KLRD1: variants seen among roughly 807,000 people sequenced by gnomAD.
The protein encoded by KLRD1 is killer cell lectin like receptor D1.
In KLRD1, 21 loss-of-function variants were observed where a neutral mutation model predicts 22.6. The ratio of observed to expected loss-of-function variants is 0.93; its 90% CI spans 0.66 to 1.34. KLRD1 has a LOEUF of 1.34. KLRD1 is among the 40% of genes most tolerant of loss of function. The pLI is 0.00. For missense variants in KLRD1, 183 were observed against 208.6 expected (o/e 0.88, Z 0.76); for synonymous variants, 59 against 71.1 (o/e 0.83, Z 0.85).
At chr12:10,294,592 G>A (rs1438848747) in intron 1 of KLRD1, among the ~76,000 whole-genome samples, 1 of 138,680 alleles carries the variant, frequency 7.2e-6, no homozygotes, top group Non-Finnish European at 1.6e-5. Context: ...TAGAGACAGG[G>A]TTTCACCACA....
intron 1 of KLRD1, among the ~76,000 whole-genome samples, chr12:10,299,165 T>C (rs956875620): frequency 5.9e-5 from 9 of 152,272 alleles, no homozygotes; most frequent in African/African-American, 2.2e-4. Context: ...CATGTTACCA[T>C]TAGGGTTCCA....
chr12:10,248,943 A>G (rs2137617175), intron 1 of KLRD1, among the ~76,000 whole-genome samples: 1 of 152,110 alleles, frequency 6.6e-6, no homozygotes, highest in East Asian at 1.9e-4. Flanking sequence ...GTTTTCTTTG[A>G]ATCATATGCT....
chr12:10,310,584 G>C (rs1159835854), intron 3 of KLRD1, among the ~76,000 whole-genome samples: 1 of 152,096 alleles, frequency 6.6e-6, no homozygotes, highest in African/African-American at 2.4e-5. Flanking sequence ...CATATTACTT[G>C]AGGTCAGAAG....
At chr12:10,247,036 G>T (rs972569202) in intron 1 of KLRD1, among the ~76,000 whole-genome samples, 2 of 149,454 alleles carry the variant, frequency 1.3e-5, no homozygotes, top group African/African-American at 4.9e-5. Context: ...GGGTTCAAGT[G>T]ATTCTCCTGC....
chr12:10,277,393 A>G (rs1251125581), intron 1 of KLRD1, among the ~76,000 whole-genome samples: 1 of 152,090 alleles, frequency 6.6e-6, no homozygotes, highest in Non-Finnish European at 1.5e-5. Flanking sequence ...TATAGGGGAG[A>G]ACTTAGTCCC....
Position 10,322,632 on chromosome 12 carries a change from TTTCTCATTTACACTAAATA to T in KLRD1, c.*7840_*7858del, listed in dbSNP as rs1950321911. ...CGTCATGAAATTTTTCTTCACTAAT[TTTCTCATTTACACTAAATA>T]CTTCATTGATTACAGTTTACCTCTT... On this transcript the variant is annotated 3_prime_UTR_variant, in exon 6 of 6. Transcript: ENST00000336164. 6.6e-6 allele frequency: 1 copy of T among 152,212 alleles called. No individual in the cohort carries two copies. Among genetic ancestry groups the T allele is most frequent in the South Asian group, 2.1e-4 (1 of 4,832 alleles). 9.4% of individuals were successfully genotyped at this position (152,212 alleles called of 1,614,324 possible). A position where few individuals can be genotyped will look rare whatever the true frequency, so the allele number is the denominator to read the frequency against.
In KLRD1 at chr12:10,320,990, A is replaced by G. The variant is rs368932490; in HGVS notation, c.*6197A>G. The G allele has an allele frequency of 5.9e-5, 9 of 152,346 alleles. No individual in the cohort carries two copies. The South Asian group carries it at 1.2e-3, about 21-fold the overall frequency. The allele number at this position is 152,346 out of a possible 1,614,324, so 9.4% of individuals were successfully genotyped here. ...ACTTTTGAGATGACTATGTCAGTAG[A>G]AAATTGACAATGAATTGCTACCTTT... On this transcript the variant is annotated 3_prime_UTR_variant, in exon 6 of 6. Coordinates refer to ENST00000336164, the MANE Select transcript of KLRD1 (RefSeq NM_002262.5).
chr12:10,249,614 G>T (rs1949326342), intron 1 of KLRD1, among the ~76,000 whole-genome samples: 1 of 152,084 alleles, frequency 6.6e-6, no homozygotes, highest in African/African-American at 2.4e-5. Flanking sequence ...TGCAACCAGT[G>T]GAGAAACTCT....
chr12:10,269,195 G>T (rs910537552), intron 1 of KLRD1, among the ~76,000 whole-genome samples: 1 of 151,868 alleles, frequency 6.6e-6, no homozygotes, highest in South Asian at 2.1e-4. Context: ...TTGCCGCCCC[G>T]GCTGGAGTGC....
chr12:10,294,117 A>C (rs1250087189), intron 1 of KLRD1, among the ~76,000 whole-genome samples: 2 of 152,172 alleles, frequency 1.3e-5, no homozygotes, highest in East Asian at 3.9e-4. Flanking sequence ...TGTGAAAGTC[A>C]TTGCTACTCT....
At chr12:10,246,490 C>T (rs762055765) in intron 1 of KLRD1, among the ~76,000 whole-genome samples, 4 of 152,104 alleles carry the variant, frequency 2.6e-5, no homozygotes, top group South Asian at 4.1e-4. Context: ...GTGACTGCTT[C>T]ACAAGATAGG....
chr12:10,256,662 A>G lies in KLRD1; in HGVS notation c.-101+30429A>G, dbSNP rs142643400. Among the ~76,000 whole-genome samples the G allele has an allele frequency of 3.0e-4, 45 of 152,078 alleles. No individual in the cohort carries two copies. The East Asian group carries it at 7.9e-3, about 27-fold the overall frequency. ...TTACATCTGTATTTATTTTGTAACT[A>G]TTAACATAGATTTATTATTAATTTA... On this transcript the variant is annotated intron_variant, in intron 1 of 5. Coordinates refer to the KLRD1 transcript ENST00000544747.
intron 1 of KLRD1, among the ~76,000 whole-genome samples, chr12:10,267,582 G>C (rs1471544261): frequency 6.6e-6 from 1 of 152,132 alleles, no homozygotes; most frequent in African/African-American, 2.4e-5. Flanking sequence ...CATGAGACTG[G>C]AAAATGCTAC....
intron 1 of KLRD1, among the ~76,000 whole-genome samples, chr12:10,261,466 C>T (rs1395587040): frequency 6.6e-6 from 1 of 152,162 alleles, no homozygotes; most frequent in Non-Finnish European, 1.5e-5. Context: ...CTTTTATTCA[C>T]ATTCCAAACA....
intron 1 of KLRD1, among the ~76,000 whole-genome samples, chr12:10,289,256 G>A (rs1186930823): frequency 6.6e-6 from 1 of 152,172 alleles, no homozygotes; most frequent in Admixed American, 6.5e-5. Flanking sequence ...CATAGGAGTT[G>A]ACAAGCTGCA....
intron 1 of KLRD1, among the ~76,000 whole-genome samples, chr12:10,269,972 C>G (rs1207870803): frequency 6.6e-6 from 1 of 152,080 alleles, no homozygotes; most frequent in Non-Finnish European, 1.5e-5. Flanking sequence ...TATTAAATTG[C>G]TCTTTCAAAT....
In KLRD1 at chr12:10,315,374, C is replaced by T. The variant is rs1950200797; in HGVS notation, c.*581C>T. ...CTCCTGGCCTCAAGGGATTCTCCCACCTTGGATTCCCAAAGTGCTGGGATT... is the reference window on the plus strand; with the variant it reads ...CTCCTGGCCTCAAGGGATTCTCCCATCTTGGATTCCCAAAGTGCTGGGATT... On this transcript the variant is annotated 3_prime_UTR_variant, in exon 6 of 6. Transcript: ENST00000336164. The T allele has an allele frequency of 2.6e-6, 1 of 380,768 alleles. No individual in the cohort carries two copies. Among genetic ancestry groups the T allele is most frequent in the Non-Finnish European group, 5.2e-6 (1 of 191,248 alleles). The allele number at this position is 380,768 out of a possible 1,614,324, so 23.6% of individuals were successfully genotyped here. A position where few individuals can be genotyped will look rare whatever the true frequency, so the allele number is the denominator to read the frequency against.
chr12:10,278,208 C>T (rs1031923622), intron 1 of KLRD1, among the ~76,000 whole-genome samples: 8 of 152,110 alleles, frequency 5.3e-5, no homozygotes, highest in East Asian at 1.9e-4. Flanking sequence ...TGTAGCTGTC[C>T]GTTGAGCCTC....
chr12:10,292,716 T>C (rs1465606889), intron 1 of KLRD1, among the ~76,000 whole-genome samples: 15 of 152,156 alleles, frequency 9.9e-5, no homozygotes, highest in South Asian at 2.1e-4. Flanking sequence ...TAAATGAGCA[T>C]TGGCTTCAAC....
Sources: gnomAD v4.1 joint callset for allele counts (sites outside exome capture counted in the v4.1 genomes callset) on GRCh38, gnomAD v4.1.1 for gene constraint, MANE v1.5 for transcripts, NCBI Gene and HGNC (gene_info 2026-07-23, HGNC 2026-07-21) for gene names.